Variants in KIF26B observed in about 807,000 individuals in gnomAD.
The protein encoded by KIF26B is kinesin-like protein KIF26B.
In KIF26B, 63 loss-of-function variants were observed where a neutral mutation model predicts 151.2. That is an observed-to-expected ratio of 0.42 (90% CI 0.34 to 0.51). The LOEUF (loss-of-function observed/expected upper bound fraction) is 0.51, where lower values mean the gene tolerates loss of function less well. Among genes scored for constraint, KIF26B ranks in the 20% least tolerant of loss-of-function variants. The pLI is 0.07. For synonymous variants in KIF26B, 1,357 were observed against 1,262.1 expected, an observed-to-expected ratio of 1.08 and a Z score of -1.59; for missense variants, 2,813 against 2,913.6, an observed-to-expected ratio of 0.97 and a Z score of 0.79.
chr1:245,221,597 G>A (rs1324176708), intron 2 of KIF26B, among the ~76,000 whole-genome samples: 1 of 152,088 alleles, frequency 6.6e-6, no homozygotes, highest in Non-Finnish European at 1.5e-5. Context: ...AGTGGAAATG[G>A]TGTTTCACCA....
chr1:245,245,784 G>A (rs141917824), intron 2 of KIF26B, among the ~76,000 whole-genome samples: 2,226 of 152,174 alleles, frequency 0.015, 40 homozygotes, highest in Middle Eastern at 0.017. Flanking sequence ...CAAAAAAGCC[G>A]GGCGTGGTGG....
intron 2 of KIF26B, among the ~76,000 whole-genome samples, chr1:245,163,065 T>C (rs1425126052): frequency 6.6e-6 from 1 of 152,180 alleles, no homozygotes; most frequent in African/African-American, 2.4e-5. Context: ...CTTCTTCTTG[T>C]GAAAAAAAGA....
At chr1:245,632,293 T>C (rs964321250) in intron 9 of KIF26B, among the ~76,000 whole-genome samples, 1 of 152,314 alleles carries the variant, frequency 6.6e-6, no homozygotes, top group Admixed American at 6.5e-5. Context: ...CATGTTTTCA[T>C]GTAGGAGCAT....
At position 245,185,914 on chromosome 1, in the gene KIF26B, G is replaced by A. The variant is rs143591993; in HGVS notation, c.465+29231G>A. Among the ~76,000 whole-genome samples the A allele has an allele frequency of 4.0e-3, 604 of 151,524 alleles. 8 individuals carry two copies. Among genetic ancestry groups the A allele is most frequent in the African/African-American group, 0.014 (580 of 41,236 alleles). Reference sequence around the variant, plus strand: ...TTTTGAGACAGAGTCTCACTCTGTCGCCCAAGCTGGAGTGCGGTGGCGTGA... The same window carrying A: ...TTTTGAGACAGAGTCTCACTCTGTCACCCAAGCTGGAGTGCGGTGGCGTGA... On this transcript the variant is annotated intron_variant, in intron 2 of 14. Coordinates refer to ENST00000407071, the MANE Select transcript of KIF26B (RefSeq NM_018012.4).
chr1:245,287,235 T>C (rs776405750), intron 2 of KIF26B, among the ~76,000 whole-genome samples: 6 of 152,216 alleles, frequency 3.9e-5, no homozygotes, highest in Non-Finnish European at 5.9e-5. Context: ...ATATTTTTAA[T>C]GATTTCATTT....
intron 2 of KIF26B, among the ~76,000 whole-genome samples, chr1:245,319,381 C>T (rs962425710): frequency 1.3e-5 from 2 of 152,312 alleles, no homozygotes; most frequent in Admixed American, 1.3e-4. Context: ...GAGTCTTCTG[C>T]CATTGGCCAT....
At position 245,687,372 on chromosome 1, in the gene KIF26B, T is replaced by G. The variant is rs200690142; in HGVS notation, c.4389T>G (p.Cys1463Trp). 17 of 1,591,160 alleles carry G rather than the reference T, an allele frequency of 1.1e-5. No individual in the cohort carries two copies. The East Asian group carries it at 3.4e-4, about 32-fold the overall frequency. The change falls in exon 12 of 15, where the codon TGT becomes TGG. Residue 1463 changes from cysteine to tryptophan, a missense_variant. Physicochemically the swap from Cys to Trp is radical, Grantham distance 215. Transcript: ENST00000407071. The surrounding 1 kb of genome is among the most constrained non-coding windows in gnomAD (Gnocchi z 4.9). ...AHPNEEGMMR[C>W]ETATGPSNAE... Reference sequence around the variant, plus strand: ...CCAATGAAGAAGGGATGATGAGGTGTGAGACTGCCACGGGCCCCTCGAATG... The same window carrying G: ...CCAATGAAGAAGGGATGATGAGGTGGGAGACTGCCACGGGCCCCTCGAATG...
intron 4 of KIF26B, among the ~76,000 whole-genome samples, chr1:245,537,696 G>A (rs1429249180): frequency 6.6e-6 from 1 of 152,172 alleles, no homozygotes; most frequent in African/African-American, 2.4e-5. Flanking sequence ...TCATTGGAAG[G>A]ATGGAATTGC....
At position 245,705,327 on chromosome 1, in the gene KIF26B, G is replaced by A. The variant is rs1468841042; in HGVS notation, c.*2721G>A. ...GCAAACATGTTAATTTACCAATATTGATAAACCACATGAAGAAATCAGGCA... is the reference window on the plus strand; with the variant it reads ...GCAAACATGTTAATTTACCAATATTAATAAACCACATGAAGAAATCAGGCA... On this transcript the variant is annotated 3_prime_UTR_variant, in exon 15 of 15. Transcript: ENST00000407071. 2.0e-5 allele frequency: 3 copies of A among 151,988 alleles called. No homozygotes were observed. 9.4% of individuals were successfully genotyped at this position (151,988 alleles called of 1,614,324 possible).
At chr1:245,229,044 G>A (rs559001793) in intron 2 of KIF26B, among the ~76,000 whole-genome samples, 2 of 152,144 alleles carry the variant, frequency 1.3e-5, no homozygotes, top group Non-Finnish European at 2.9e-5. Context: ...TTGGCTCACT[G>A]CAGCCTCCGC....
intron 4 of KIF26B, among the ~76,000 whole-genome samples, chr1:245,431,493 C>T (rs868448993): frequency 2.0e-5 from 3 of 152,134 alleles, no homozygotes; most frequent in African/African-American, 2.4e-5. Flanking sequence ...TACAGGCATC[C>T]GCCACCATGC....
chr1:245,192,435 A>G (rs1394168228), intron 2 of KIF26B, among the ~76,000 whole-genome samples: 1 of 152,144 alleles, frequency 6.6e-6, no homozygotes, highest in Non-Finnish European at 1.5e-5. Context: ...GTTTCCTAAA[A>G]GGGCATACAT....
rs942567450 is a variant in KIF26B at position 245,172,219 on chromosome 1, G to T, written c.465+15536G>T. On this transcript the variant is annotated intron_variant, in intron 2 of 14. Transcript: ENST00000407071. ...CCTCAAGTCCCTCCCAGTCTGGTGG[G>T]GGGGGTGGGTACAGAAGCCACGTGG... Among the ~76,000 whole-genome samples the T allele has an allele frequency of 1.3e-4, 20 of 152,264 alleles. No homozygotes were observed. The East Asian group carries it at 3.3e-3, about 25-fold the overall frequency.
intron 4 of KIF26B, among the ~76,000 whole-genome samples, chr1:245,444,904 A>G (rs1020738241): frequency 1.3e-5 from 2 of 152,204 alleles, no homozygotes; most frequent in African/African-American, 4.8e-5. Context: ...GTGTAAAAAA[A>G]ATTATATAGC....
intron 10 of KIF26B, among the ~76,000 whole-genome samples, chr1:245,683,755 T>G (rs1455954306): frequency 6.6e-6 from 1 of 152,206 alleles, no homozygotes; most frequent in Non-Finnish European, 1.5e-5. Context: ...CTAAAGGAAC[T>G]GTGCAGGTAT....
intron 5 of KIF26B, among the ~76,000 whole-genome samples, chr1:245,561,961 T>G (rs1194490929): frequency 6.6e-6 from 1 of 152,184 alleles, no homozygotes; most frequent in African/African-American, 2.4e-5. Flanking sequence ...CTGATTTTCT[T>G]GCTGTGGATG....
chr1:245,647,729 C>T (rs1558250934), intron 10 of KIF26B, among the ~76,000 whole-genome samples: 2 of 152,078 alleles, frequency 1.3e-5, no homozygotes, highest in African/African-American at 2.4e-5. Context: ...GTTTTTCTTC[C>T]CCTCAGCCCT....
chr1:245,382,666 T>C (rs1427872006), intron 3 of KIF26B, among the ~76,000 whole-genome samples: 2 of 151,968 alleles, frequency 1.3e-5, no homozygotes, highest in Non-Finnish European at 2.9e-5. Flanking sequence ...CCTCCTGGGT[T>C]CAAGCGATTC....
intron 4 of KIF26B, among the ~76,000 whole-genome samples, chr1:245,444,792 G>A (rs1423904026): frequency 6.6e-6 from 1 of 152,190 alleles, no homozygotes; most frequent in Non-Finnish European, 1.5e-5. Flanking sequence ...GACGTGAGGG[G>A]TTGCCCAAGA....
Sources: gnomAD v4.1 joint callset for allele counts (sites outside exome capture counted in the v4.1 genomes callset) on GRCh38, gnomAD v4.1.1 for gene constraint, Gnocchi (gnomAD v3.1) non-coding constraint, MANE v1.5 for transcripts, NCBI Gene and HGNC (gene_info 2026-07-23, HGNC 2026-07-21) for gene names.